Variants in ICAM2 observed in about 807,000 individuals in gnomAD.
The protein encoded by ICAM2 is intercellular adhesion molecule 2.
In ICAM2, 14 loss-of-function variants were observed where a neutral mutation model predicts 19.1. The observed-to-expected ratio is 0.73, with a 90% confidence interval of 0.48 to 1.15. The LOEUF (loss-of-function observed/expected upper bound fraction) is 1.15, where lower values mean the gene tolerates loss of function less well. Among genes scored for constraint, ICAM2 ranks in the 50% most tolerant of loss-of-function variants. The pLI, the probability that ICAM2 is intolerant of heterozygous loss-of-function variation, is 0.00. For missense variants in ICAM2, 311 were observed against 355.4 expected, an observed-to-expected ratio of 0.88 and a Z score of 1.00; for synonymous variants, 153 against 152.7, an observed-to-expected ratio of 1.00 and a Z score of -0.01.
Position 64,003,758 on chromosome 17 carries a change from C to A in ICAM2, c.535G>T (p.Ala179Ser), listed in dbSNP as rs1567844362. 6.2e-7 allele frequency: 1 copy of A among 1,614,222 alleles called. No individual in the cohort carries two copies. The highest frequency in any genetic ancestry group is 8.5e-7 in the Non-Finnish European group (1 of 1,180,034). Residue 179 changes from alanine to serine, a missense_variant, in exon 4 of 5, where the codon GCT becomes TCT. Physicochemically the swap from Ala to Ser is moderately conservative, Grantham distance 99. Transcript: ENST00000579788. ...QEATATFNST[A>S]DREDGHRNFS... ...TTGCGGTGGCCATCCTCTCTGTCAG[C>A]CGTGCTGTTGAATGTGGCTGTGGCC...
chr17:64,008,525 G>T (rs1911312287), intron 1 of ICAM2, among the ~76,000 whole-genome samples: 2 of 152,126 alleles, frequency 1.3e-5, no homozygotes, highest in South Asian at 4.1e-4. Context: ...ACTCTCTGAG[G>T]CAGGTACTGT....
At position 64,002,941 on chromosome 17, in the gene ICAM2, G is replaced by A. The variant is rs1910897451; in HGVS notation, c.650-16C>T. The stretch of plus-strand genomic sequence containing the variant: ...GACACAGGCTCTGGGGAGGGAGGGG[G>A]CAAGGGTCTTAGACGTCCTGTGATC... On this transcript the variant is annotated splice_polypyrimidine_tract_variant and intron_variant, in intron 4 of 4. Coordinates refer to ENST00000579788, the MANE Select transcript of ICAM2 (RefSeq NM_001099789.2). The A allele has an allele frequency of 1.9e-6, 3 of 1,611,294 alleles. No homozygotes were observed. Among genetic ancestry groups the A allele is most frequent in the East Asian group, 2.2e-5 (1 of 44,826 alleles).
chr17:64,018,820 C>A (rs749326223), intron 1 of ICAM2, among the ~76,000 whole-genome samples: 1 of 144,370 alleles, frequency 6.9e-6, no homozygotes, highest in Non-Finnish European at 1.5e-5. Context: ...CTCCCGGGTT[C>A]GAGCTATTCT....
intron 1 of ICAM2, among the ~76,000 whole-genome samples, chr17:64,010,075 C>G (rs753560395): frequency 1.3e-5 from 2 of 152,204 alleles, no homozygotes; most frequent in African/African-American, 2.4e-5. Flanking sequence ...CCTCTAAAAT[C>G]CCAGCCCAGA....
intron 1 of ICAM2, among the ~76,000 whole-genome samples, chr17:64,014,353 A>AAGAAAGAG: frequency 1.8e-5 from 1 of 54,912 alleles, no homozygotes; most frequent in Non-Finnish European, 4.1e-5. Flanking sequence ...GAAAGAAAGA[A>AAGAAAGAG]AGAAAGAAAG....
At chr17:64,017,746 AG>A (rs1364289123) in intron 1 of ICAM2, among the ~76,000 whole-genome samples, 2 of 152,234 alleles carry the variant, frequency 1.3e-5, no homozygotes, top group Non-Finnish European at 2.9e-5. Flanking sequence ...CAGAATAAAG[AG>A]CCCAGAAATA....
intron 1 of ICAM2, among the ~76,000 whole-genome samples, chr17:64,016,328 C>G (rs373108012): frequency 6.6e-6 from 1 of 152,184 alleles, no homozygotes; most frequent in East Asian, 1.9e-4. Context: ...TGTGTCATAT[C>G]ACTTCTGCCC....
At chr17:64,019,868 G>A (rs1336446558) in intron 1 of ICAM2, among the ~76,000 whole-genome samples, 1 of 149,492 alleles carries the variant, frequency 6.7e-6, no homozygotes, top group Non-Finnish European at 1.5e-5. Flanking sequence ...GCAGTTTGGT[G>A]ATACTCCATC....
chr17:64,013,487 T>G (rs1911533824), intron 1 of ICAM2, among the ~76,000 whole-genome samples: 1 of 151,520 alleles, frequency 6.6e-6, no homozygotes. Context: ...GGTGATAGGG[T>G]GAGTTCCTAT....
intron 1 of ICAM2, among the ~76,000 whole-genome samples, chr17:64,016,335 G>A (rs1555610289): frequency 6.6e-6 from 1 of 152,124 alleles, no homozygotes; most frequent in Non-Finnish European, 1.5e-5. Context: ...TATCACTTCT[G>A]CCCTCTGCTG....
At chr17:64,008,729 G>A (rs1168642800) in intron 1 of ICAM2, among the ~76,000 whole-genome samples, 1 of 152,204 alleles carries the variant, frequency 6.6e-6, no homozygotes, top group Non-Finnish European at 1.5e-5. Context: ...AGAGGGAAAA[G>A]CAACATAGCA....
chr17:64,004,222 A>C (rs1184010074), intron 3 of ICAM2: 1 of 487,718 alleles, frequency 2.1e-6, no homozygotes, highest in East Asian at 3.3e-5. Flanking sequence ...CCAACTGGAA[A>C]GATATAAAAG....
chr17:64,015,012 C>T (rs543915409), intron 1 of ICAM2, among the ~76,000 whole-genome samples: 15 of 151,894 alleles, frequency 9.9e-5, no homozygotes, highest in African/African-American at 3.4e-4. Context: ...AGAAGGCATG[C>T]GTAAACATGA....
chr17:64,019,621 C>G (rs946372965), intron 1 of ICAM2, among the ~76,000 whole-genome samples: 1 of 151,888 alleles, frequency 6.6e-6, no homozygotes, highest in Admixed American at 6.6e-5. Flanking sequence ...CGAGACTCTC[C>G]TGGCCAACAT....
At chr17:64,004,271 A>C in intron 3 of ICAM2, 3 of 343,830 alleles carry the variant, frequency 8.7e-6, no homozygotes, top group Non-Finnish European at 1.6e-5. Flanking sequence ...TGAAATATAA[A>C]TTTCAAACAT....
In ICAM2 at chr17:64,002,706, T is replaced by C; in HGVS notation, c.*41A>G. 1 of 1,577,734 alleles carries C rather than the reference T, an allele frequency of 6.3e-7. No homozygotes were observed. Among genetic ancestry groups the C allele is most frequent in the Non-Finnish European group, 8.6e-7 (1 of 1,156,890 alleles). On this transcript the variant is annotated 3_prime_UTR_variant, in exon 5 of 5. Transcript: ENST00000579788. ...TCAACCCTGAGGAGTCACACTGAGTTCCAGTGACCACCGTGGTGGTGGCCA... is the reference window on the plus strand; with the variant it reads ...TCAACCCTGAGGAGTCACACTGAGTCCCAGTGACCACCGTGGTGGTGGCCA...
Position 64,004,063 on chromosome 17 carries a change from G to A in ICAM2, c.329-99C>T, listed in dbSNP as rs566335286. On this transcript the variant is annotated intron_variant, in intron 3 of 4. Transcript: ENST00000579788. ...ATCTCCTGTCACCATGGTGTTCCAC[G>A]GTTGGGGAGGAGGTGGCCTGGCCGG... The A allele has an allele frequency of 2.8e-5, 26 of 944,718 alleles. No individual in the cohort carries two copies. The East Asian group carries it at 4.8e-4, about 17-fold the overall frequency. 58.5% of individuals were successfully genotyped at this position (944,718 alleles called of 1,614,324 possible).
chr17:64,004,813 C>G lies in ICAM2; in HGVS notation c.328+294G>C, dbSNP rs540945433. ...TACTTGGCATGGGACATGGGGTGCT[C>G]TGGTGACTCAGCTATGTTGGGAAAT... is the stretch of plus-strand genomic sequence containing the variant. On this transcript the variant is annotated intron_variant, in intron 3 of 4. Transcript: ENST00000579788. 6.0e-6 allele frequency: 3 copies of G among 502,340 alleles called. No individual in the cohort carries two copies. In the South Asian group the frequency reaches 6.1e-5, roughly 10 times the overall value. The allele number at this position is 502,340 out of a possible 1,614,324, so 31.1% of individuals were successfully genotyped here. A position where few individuals can be genotyped will look rare whatever the true frequency, so the allele number is the denominator to read the frequency against.
chr17:64,018,694 T>A (rs982593179), intron 1 of ICAM2, among the ~76,000 whole-genome samples: 1 of 149,366 alleles, frequency 6.7e-6, no homozygotes, highest in Non-Finnish European at 1.5e-5. Context: ...GAACCAGACA[T>A]GTCTTTGTGT....
Sources: gnomAD v4.1 joint callset for allele counts (sites outside exome capture counted in the v4.1 genomes callset) on GRCh38, gnomAD v4.1.1 for gene constraint, MANE v1.5 for transcripts, NCBI Gene and HGNC (gene_info 2026-07-23, HGNC 2026-07-21) for gene names.